Variants in EFL1 observed in about 807,000 individuals in gnomAD.
EFL1 encodes elongation factor-like GTPase 1.
EFL1 carries 76 observed loss-of-function variants against 126.7 expected under a neutral mutation model. The ratio of observed to expected loss-of-function variants is 0.60; its 90% CI spans 0.50 to 0.73. EFL1 has a LOEUF of 0.73. Ranked by LOEUF, EFL1 falls within the 30% of genes least tolerant of loss-of-function variation. The pLI, the probability that EFL1 is intolerant of heterozygous loss-of-function variation, is 0.00. For missense variants in EFL1, 1,128 were observed against 1,343.2 expected, an observed-to-expected ratio of 0.84 and a Z score of 2.50; for synonymous variants, 410 against 448.4, an observed-to-expected ratio of 0.91 and a Z score of 1.08.
Position 82,247,016 on chromosome 15 carries a change from CAGA to C in EFL1, c.245-5616_245-5614del, listed in dbSNP as rs532160943. The stretch of plus-strand genomic sequence containing the variant: ...TAAAGTTTTGTTGGGAAAAATATGA[CAGA>C]AGGTCAAGAACCAAAGAGACTGAAG... On this transcript the variant is annotated intron_variant, in intron 4 of 19. Transcript: ENST00000268206. 2.0e-5 allele frequency among the ~76,000 whole-genome samples: 3 copies of C among 152,176 alleles called. No individual in the cohort carries two copies. The South Asian group carries it at 6.2e-4, about 32-fold the overall frequency.
intron 15 of EFL1, among the ~76,000 whole-genome samples, chr15:82,212,402 C>T (rs2074599920): frequency 6.6e-6 from 1 of 152,226 alleles, no homozygotes; most frequent in Admixed American, 6.5e-5. Flanking sequence ...AGCAAGGTTA[C>T]ATAACTGGCC....
chr15:82,213,715 A>G (rs920898415), intron 15 of EFL1, among the ~76,000 whole-genome samples: 6 of 152,244 alleles, frequency 3.9e-5, no homozygotes, highest in African/African-American at 1.4e-4. Flanking sequence ...GGTGTTTTCC[A>G]TTCTTCCAAT....
rs2074698969 is a variant in EFL1 at position 82,220,363 on chromosome 15, G to T, written c.1293-134C>A. 3.8e-6 allele frequency: 4 copies of T among 1,043,990 alleles called. No homozygotes were observed. In the East Asian group the frequency reaches 1.0e-4, roughly 26 times the overall value. 64.7% of individuals were successfully genotyped at this position (1,043,990 alleles called of 1,614,324 possible). ...GCAATTTTGTCCAAGTCCTCTCCCT[G>T]TCTGTAGCAATAAGAGAGGGCCTAT... On this transcript the variant is annotated intron_variant, in intron 12 of 19. Transcript: ENST00000268206.
At chr15:82,159,957 T>G (rs1438336128) in intron 16 of EFL1, 1 of 152,180 alleles carries the variant, frequency 6.6e-6, no homozygotes, top group African/African-American at 2.4e-5. Context: ...TCACAAAGTG[T>G]TCAGGCAAGA....
intron 15 of EFL1, among the ~76,000 whole-genome samples, chr15:82,193,689 C>T (rs1407552044): frequency 6.6e-6 from 1 of 152,124 alleles, no homozygotes; most frequent in Non-Finnish European, 1.5e-5. Context: ...TCATTCTTCC[C>T]TCCTCTGGCT....
At chr15:82,252,436 G>A (rs1300019711) in intron 4 of EFL1, among the ~76,000 whole-genome samples, 1 of 152,166 alleles carries the variant, frequency 6.6e-6, no homozygotes, top group Non-Finnish European at 1.5e-5. Context: ...GACTTTCCTT[G>A]TGAAGGAATC....
At chr15:82,143,444 C>T (rs1415397497) in intron 18 of EFL1, among the ~76,000 whole-genome samples, 1 of 152,176 alleles carries the variant, frequency 6.6e-6, no homozygotes, top group Non-Finnish European at 1.5e-5. Flanking sequence ...GTTGGTAACA[C>T]TTATGCACTA....
At chr15:82,233,150 C>T (rs766216338) in intron 7 of EFL1, among the ~76,000 whole-genome samples, 133 of 152,250 alleles carry the variant, frequency 8.7e-4, no homozygotes, top group Non-Finnish European at 1.6e-3. Flanking sequence ...CATACGGGTA[C>T]ACAAATCTTT....
intron 8 of EFL1, among the ~76,000 whole-genome samples, chr15:82,229,898 G>A (rs1462470642): frequency 6.6e-6 from 1 of 152,170 alleles, no homozygotes; most frequent in African/African-American, 2.4e-5. Flanking sequence ...ACTATCCTAT[G>A]AGATAAGTGC....
intron 15 of EFL1, among the ~76,000 whole-genome samples, chr15:82,202,247 GTACTTTTCCC>G (rs2074476327): frequency 1.3e-5 from 2 of 152,122 alleles, no homozygotes; most frequent in South Asian, 4.1e-4. Context: ...GAACAAAAGA[GTACTTTTCCC>G]CCAGAAAAGT....
rs551517236 is a variant in EFL1, at chr15:82,238,559, T to G, written c.517-38A>C. ...GTGAAATGGCAGAGCGTCATTCAGATGCTCAGCATGCTCACGGCAGGAGAA... is the reference window on the plus strand; with the variant it reads ...GTGAAATGGCAGAGCGTCATTCAGAGGCTCAGCATGCTCACGGCAGGAGAA... On this transcript the variant is annotated intron_variant, in intron 6 of 19. Coordinates refer to ENST00000268206, the MANE Select transcript of EFL1 (RefSeq NM_024580.6). 3.4e-6 allele frequency: 5 copies of G among 1,472,118 alleles called. No individual in the cohort carries two copies. The South Asian group carries it at 3.6e-5, about 10-fold the overall frequency. The allele number at this position is 1,472,118 out of a possible 1,614,324, so 91.2% of individuals were successfully genotyped here. A position where few individuals can be genotyped will look rare whatever the true frequency, so the allele number is the denominator to read the frequency against.
Position 82,157,772 on chromosome 15 carries a change from G to A in EFL1, c.1971C>T (p.His657=), listed in dbSNP as rs779232326. 1.3e-5 allele frequency: 21 copies of A among 1,613,916 alleles called. No homozygotes were observed. The highest frequency in any genetic ancestry group is 4.4e-5 in the South Asian group (4 of 91,082). ...VQILIQETGE[H]VLVTAGEVHL... is the part of the protein sequence containing the mutation. Reference sequence around the variant, plus strand: ...GGACTTCTCCTGCTGTGACTAAAACGTGCTCTCCCGTTTCCTGAATTAAAA... The same window carrying A: ...GGACTTCTCCTGCTGTGACTAAAACATGCTCTCCCGTTTCCTGAATTAAAA... The change falls in exon 17 of 20, where the codon CAC becomes CAT. Residue 657 remains histidine, a synonymous_variant. Coordinates refer to ENST00000268206, the MANE Select transcript of EFL1 (RefSeq NM_024580.6).
At chr15:82,255,778 CT>C (rs1440953529) in intron 3 of EFL1, among the ~76,000 whole-genome samples, 17 of 152,270 alleles carry the variant, frequency 1.1e-4, no homozygotes, top group African/African-American at 4.1e-4. Flanking sequence ...GCCTACTATT[CT>C]GAGCCGTCAG....
At chr15:82,223,848 C>A (rs2074735657) in intron 12 of EFL1, among the ~76,000 whole-genome samples, 1 of 152,184 alleles carries the variant, frequency 6.6e-6, no homozygotes, top group Non-Finnish European at 1.5e-5. Context: ...CATTCACTGA[C>A]CTGTTATTCC....
In EFL1 at chr15:82,212,995, A is replaced by T. The variant is rs567960327; in HGVS notation, c.1750+1722T>A. 3.9e-5 allele frequency among the ~76,000 whole-genome samples: 6 copies of T among 152,346 alleles called. No homozygotes were observed. The South Asian group carries it at 1.2e-3, about 32-fold the overall frequency. ...TTGCTTCTACGGGGACAAAAGCCAC[A>T]TGCTGAGCCACTGGCTCCCTGATGA... is the stretch of plus-strand genomic sequence containing the variant. On this transcript the variant is annotated intron_variant, in intron 15 of 19. Transcript: ENST00000268206.
chr15:82,227,297 G>C (rs906571236), intron 11 of EFL1, among the ~76,000 whole-genome samples, 153 bp downstream of exon 11: 4 of 152,194 alleles, frequency 2.6e-5, no homozygotes, highest in African/African-American at 9.7e-5. Flanking sequence ...CAAAACTGGT[G>C]AAATGGTCAT....
intron 16 of EFL1, 33 bp downstream of exon 16, chr15:82,163,820 A>G (rs746166944): frequency 6.2e-7 from 1 of 1,609,496 alleles, no homozygotes. Context: ...AAAGTATAAT[A>G]AACATATGCT....
intron 19 of EFL1, among the ~76,000 whole-genome samples, chr15:82,132,681 T>TGG (rs67000643): frequency 0.022 from 938 of 42,870 alleles, 12 homozygotes; most frequent in South Asian, 0.029. Context: ...GTCCAGGAAT[T>TGG]GGGGGGGGGG....
chr15:82,136,905 A>C (rs1186023892), intron 19 of EFL1, among the ~76,000 whole-genome samples: 1 of 152,204 alleles, frequency 6.6e-6, no homozygotes, highest in Non-Finnish European at 1.5e-5. Context: ...AATATGCAAA[A>C]GTCAAGAAAA....
Sources: allele counts gnomAD v4.1 joint callset (sites outside exome capture counted in the v4.1 genomes callset), GRCh38; gene constraint gnomAD v4.1.1; transcripts MANE v1.5; gene names NCBI Gene and HGNC (gene_info 2026-07-23, HGNC 2026-07-21).